Variants in E2F7 observed in about 807,000 individuals in gnomAD.
The protein encoded by E2F7 is E2F transcription factor 7.
A neutral mutation model predicts 81.1 loss-of-function variants in E2F7; 35 were observed. The ratio of observed to expected loss-of-function variants is 0.43; its 90% CI spans 0.33 to 0.57. The LOEUF (loss-of-function observed/expected upper bound fraction) is 0.57, where lower values mean the gene tolerates loss of function less well. E2F7 is among the 20% of genes least tolerant of loss of function. The pLI is 0.04. For missense variants in E2F7, 961 were observed against 1,093.7 expected, an observed-to-expected ratio of 0.88 and a Z score of 1.71; for synonymous variants, 416 against 416.2, an observed-to-expected ratio of 1.00 and a Z score of 0.01.
chr12:77,054,661 C>A (rs961866434), intron 3 of E2F7, among the ~76,000 whole-genome samples: 3 of 152,006 alleles, frequency 2.0e-5, no homozygotes, highest in African/African-American at 7.2e-5. Context: ...GTTTTAGGGG[C>A]GTGTTAAACA....
chr12:77,040,241 C>T (rs1411380275), intron 7 of E2F7, among the ~76,000 whole-genome samples: 1 of 152,194 alleles, frequency 6.6e-6, no homozygotes, highest in African/African-American at 2.4e-5. Context: ...GTAACTCATG[C>T]CTGATCAACG....
intron 4 of E2F7, among the ~76,000 whole-genome samples, chr12:77,050,311 T>A (rs928689296): frequency 2.0e-5 from 3 of 152,172 alleles, no homozygotes; most frequent in Non-Finnish European, 4.4e-5. Flanking sequence ...GTAATGTAAC[T>A]CTATTATAAA....
intron 10 of E2F7, among the ~76,000 whole-genome samples, chr12:77,029,346 C>G (rs1954784619): frequency 6.6e-6 from 1 of 152,130 alleles, no homozygotes; most frequent in African/African-American, 2.4e-5. Context: ...ACAGCTCATA[C>G]TTTTGTTCTT....
rs1954728110 is a variant in E2F7 at position 77,023,149 on chromosome 12, T to C, written c.*866A>G. On this transcript the variant is annotated 3_prime_UTR_variant, in exon 13 of 13. Coordinates refer to ENST00000322886, the MANE Select transcript of E2F7 (RefSeq NM_203394.3). ...CATATCTGATGGCGCTACAGCTAAA[T>C]ATTTAAATAAAAAATGCAGGGCATG... The C allele has an allele frequency of 6.6e-6, 1 of 152,312 alleles. No homozygotes were observed. The highest frequency in any genetic ancestry group is 1.5e-5 in the Non-Finnish European group (1 of 68,038). 9.4% of individuals were successfully genotyped at this position (152,312 alleles called of 1,614,324 possible).
chr12:77,023,989 C>T lies in E2F7; in HGVS notation c.*26G>A. 5 of 1,609,250 alleles carry T rather than the reference C, an allele frequency of 3.1e-6. No homozygotes were observed. Among genetic ancestry groups the T allele is most frequent in the Non-Finnish European group, 4.2e-6 (5 of 1,178,330 alleles). On this transcript the variant is annotated 3_prime_UTR_variant, in exon 13 of 13. Coordinates refer to ENST00000322886, the MANE Select transcript of E2F7 (RefSeq NM_203394.3). ...TCCGGGACTCTCAGGGCGTTTGATC[C>T]CACCCCCACCTGGCAAAGCGGCAGG...
At chr12:77,042,570 C>T (rs1801746413) in intron 7 of E2F7, among the ~76,000 whole-genome samples, 1 of 152,118 alleles carries the variant, frequency 6.6e-6, no homozygotes, top group African/African-American at 2.4e-5. Context: ...CTTTTAAATA[C>T]AAAAAGTCCA....
intron 6 of E2F7, 147 bp from the exon 7 acceptor site, chr12:77,043,346 A>T: frequency 1.0e-6 from 1 of 997,744 alleles, no homozygotes. Context: ...GCTCTGTCAT[A>T]AAATCACCCA....
rs1954942668 is a variant in E2F7 at position 77,046,307 on chromosome 12, T to A, written c.560A>T (p.Tyr187Phe). The change falls in exon 5 of 13, where the codon TAT becomes TTT. Residue 187 changes from tyrosine to phenylalanine, a missense_variant. Tyr to Phe is a conservative substitution (Grantham distance 22). Coordinates refer to ENST00000322886, the MANE Select transcript of E2F7 (RefSeq NM_203394.3). Reference protein sequence around the residue: ...VSLGVERRRIYDIVNVLESLH... With the variant: ...VSLGVERRRIFDIVNVLESLH... ...CGACTCCAGCACATTTACAATGTCA[T>A]AGATGCGTCTCCTTTCCACACCTGT... is the stretch of plus-strand genomic sequence containing the variant. 6.2e-7 allele frequency: 1 copy of A among 1,613,540 alleles called. No individual in the cohort carries two copies. Among genetic ancestry groups the A allele is most frequent in the African/African-American group, 1.3e-5 (1 of 74,920 alleles).
chr12:77,033,755 GAGTC>G, intron 8 of E2F7, 98 bp downstream of exon 8: 2 of 1,210,452 alleles, frequency 1.7e-6, no homozygotes, highest in Non-Finnish European at 2.3e-6. Flanking sequence ...CCAGGGCTGA[GAGTC>G]AGTTTGTTTT....
In E2F7 at chr12:77,064,802, C is replaced by T. The variant is rs902481007; in HGVS notation, c.1-167G>A. 6 of 585,496 alleles carry T rather than the reference C, an allele frequency of 1.0e-5. No homozygotes were observed. In the African/African-American group the frequency reaches 1.1e-4, roughly 11 times the overall value. The allele number at this position is 585,496 out of a possible 1,614,324, so 36.3% of individuals were successfully genotyped here. ...TAGCCACCCTCAACTTTCTAAAACT[C>T]ACGCGAACAAACTCAAACACCTAAA... On this transcript the variant is annotated intron_variant, in intron 1 of 12. Transcript: ENST00000322886.
intron 5 of E2F7, among the ~76,000 whole-genome samples, chr12:77,045,242 G>C (rs1421631154): frequency 6.6e-6 from 1 of 152,098 alleles, no homozygotes; most frequent in Non-Finnish European, 1.5e-5. Context: ...CCTAAACATA[G>C]AAGATGCCCG....
intron 11 of E2F7, among the ~76,000 whole-genome samples, chr12:77,026,758 T>C (rs1954763722): frequency 6.6e-6 from 1 of 152,270 alleles, no homozygotes; most frequent in Non-Finnish European, 1.5e-5. Flanking sequence ...CTTAATATAC[T>C]GTTAAGCTCA....
chr12:77,029,966 T>C lies in E2F7; in HGVS notation c.1749A>G (p.Thr583=), dbSNP rs781766207. 30 of 1,614,126 alleles carry C rather than the reference T, an allele frequency of 1.9e-5. No homozygotes were observed. The highest frequency in any genetic ancestry group is 3.3e-5 in the Admixed American group (2 of 60,012). The change falls in exon 10 of 13, where the codon ACA becomes ACG. Residue 583 remains threonine (T), a synonymous_variant. Transcript: ENST00000322886. ...CTGAGGGTGCAGATGACAGCTCTAC[T>C]GTGGCTGGGGCTTCTGAGCTTCTGT... is the stretch of plus-strand genomic sequence containing the variant. ...RDDRSSEAPA[T]VELSSAPSAQ...
In E2F7 at chr12:77,034,010, A is replaced by C. The variant is rs1474206046; in HGVS notation, c.1156T>G (p.Leu386Val). ...EELVDVSASV[L>V]PELKRETYGQ... ...TATGTTTCTCTTTTCAATTCTGGTA[A>C]GACAGATGCAGAAACATCCACCAGT... Residue 386 changes from leucine (L) to valine (V), a missense_variant, in exon 8 of 13, where the codon TTA becomes GTA. Around this residue, in one of 3 missense-constraint regions of E2F7, gnomAD observed 301 missense variants for 405.0 expected, o/e 0.74. Coordinates refer to ENST00000322886, the MANE Select transcript of E2F7 (RefSeq NM_203394.3). The C allele has an allele frequency of 1.2e-6, 2 of 1,613,698 alleles. No individual in the cohort carries two copies. The highest frequency in any genetic ancestry group is 2.2e-5 in the East Asian group (1 of 44,874).
At chr12:77,034,329 G>C (rs900023572) in intron 7 of E2F7, among the ~76,000 whole-genome samples, 1 of 152,036 alleles carries the variant, frequency 6.6e-6, no homozygotes, top group Non-Finnish European at 1.5e-5. Context: ...TCTTCAACCC[G>C]AATTAGAATG....
chr12:77,058,312 G>A (rs927548888), intron 2 of E2F7, among the ~76,000 whole-genome samples: 4 of 152,058 alleles, frequency 2.6e-5, no homozygotes, highest in African/African-American at 4.8e-5. Flanking sequence ...ATATTTTTCC[G>A]TTGTATAGAT....
chr12:77,026,760 T>C (rs995442333), intron 11 of E2F7, among the ~76,000 whole-genome samples: 2 of 152,258 alleles, frequency 1.3e-5, no homozygotes, highest in Non-Finnish European at 2.9e-5. Flanking sequence ...TAATATACTG[T>C]TAAGCTCATC....
intron 6 of E2F7, 128 bp downstream of exon 6, chr12:77,044,509 T>A (rs923405961): frequency 2.5e-6 from 3 of 1,206,730 alleles, no homozygotes; most frequent in Non-Finnish European, 2.3e-6. Context: ...AAAACCTTGA[T>A]GAATGCAGGA....
intron 11 of E2F7, 152 bp from the exon 12 acceptor site, chr12:77,026,134 C>T (rs193027588): frequency 2.0e-5 from 17 of 837,682 alleles, no homozygotes; most frequent in African/African-American, 1.2e-4. Flanking sequence ...AAACAGCCCA[C>T]ACCCTGCTCC....
Sources: gnomAD v4.1 joint callset for allele counts (sites outside exome capture counted in the v4.1 genomes callset) on GRCh38, gnomAD v4.1.1 for gene constraint, gnomAD v4.1.1 regional missense constraint, MANE v1.5 for transcripts, NCBI Gene and HGNC (gene_info 2026-07-23, HGNC 2026-07-21) for gene names.